GREB1L: variants seen among roughly 807,000 people sequenced by gnomAD.
The protein encoded by GREB1L is GREB1 like retinoic acid receptor coactivator.
GREB1L carries 17 observed loss-of-function variants against 200.8 expected under a neutral mutation model. The ratio of observed to expected loss-of-function variants is 0.08; its 90% CI spans 0.06 to 0.13. The LOEUF (loss-of-function observed/expected upper bound fraction) is 0.13. Ranked by LOEUF, GREB1L falls within the 10% of genes least tolerant of loss-of-function variation. The pLI is 1.00. For synonymous variants in GREB1L, 789 were observed against 893.0 expected, an observed-to-expected ratio of 0.88 and a Z score of 2.08; for missense variants, 1,657 against 2,367.7, an observed-to-expected ratio of 0.70 and a Z score of 6.23.
chr18:21,431,131 C>T (rs1035257267), intron 7 of GREB1L, among the ~76,000 whole-genome samples: 3 of 151,974 alleles, frequency 2.0e-5, no homozygotes, highest in Non-Finnish European at 4.4e-5. Flanking sequence ...AAGTGATTCT[C>T]CTGCCTCAGC....
In GREB1L at chr18:21,444,123, G is replaced by A. The variant is rs1304232263; in HGVS notation, c.1208-101G>A. 8 of 756,180 alleles carry A rather than the reference G, an allele frequency of 1.1e-5. No individual in the cohort carries two copies. The East Asian group carries it at 2.2e-4, about 21-fold the overall frequency. The allele number at this position is 756,180 out of a possible 1,614,324, so 46.8% of individuals were successfully genotyped here. ...TGTTTGGTAGCTATCTCAGAGGGCAGGGAATTTTGTTAAGCAGCTTTGATC... is the reference window on the plus strand; with the variant it reads ...TGTTTGGTAGCTATCTCAGAGGGCAAGGAATTTTGTTAAGCAGCTTTGATC... On this transcript the variant is annotated intron_variant, in intron 10 of 32. Coordinates refer to ENST00000424526, the MANE Select transcript of GREB1L (RefSeq NM_001142966.3).
intron 6 of GREB1L, 137 bp downstream of exon 6, chr18:21,401,463 C>T (rs1298763044): frequency 1.9e-5 from 13 of 676,588 alleles, no homozygotes; most frequent in Non-Finnish European, 2.8e-5. Context: ...AATTTAAAGC[C>T]TTCTGGTAGG....
intron 1 of GREB1L, among the ~76,000 whole-genome samples, chr18:21,306,992 A>G (rs1410767066): frequency 6.6e-6 from 1 of 152,138 alleles, no homozygotes; most frequent in Admixed American, 6.5e-5. Context: ...TCTACTTTCC[A>G]TTATTCCATT....
rs1234569289 is a variant in GREB1L, at chr18:21,526,019, T to TATTA, written c.*3204_*3207dup. ...TCCAAAGCAGCTGCCTTGAAAAGAC[T>TATTA]ATTAATTAACTGTGAAACTGACTGC... On this transcript the variant is annotated 3_prime_UTR_variant, in exon 33 of 33. Coordinates refer to ENST00000424526, the MANE Select transcript of GREB1L (RefSeq NM_001142966.3). Among the ~76,000 whole-genome samples the TATTA allele has an allele frequency of 1.3e-5, 2 of 151,394 alleles. No individual in the cohort carries two copies. Among genetic ancestry groups the TATTA allele is most frequent in the African/African-American group, 4.8e-5 (2 of 41,386 alleles).
intron 1 of GREB1L, among the ~76,000 whole-genome samples, chr18:21,288,746 T>A (rs1282647707): frequency 2.6e-5 from 4 of 152,182 alleles, no homozygotes; most frequent in Non-Finnish European, 4.4e-5. Flanking sequence ...TTTTTTTTTT[T>A]TTATTTTTGA....
intron 15 of GREB1L, among the ~76,000 whole-genome samples, chr18:21,463,134 C>CTTTTTTTTTTT (rs11355874): frequency 1.8e-5 from 1 of 55,640 alleles, no homozygotes; most frequent in Non-Finnish European, 3.0e-5. Context: ...CTTAATGGTT[C>CTTTTTTTTTTT]TTTTTTTTTT....
chr18:21,508,403 A>G lies in GREB1L; in HGVS notation c.4547A>G (p.Lys1516Arg), dbSNP rs1294283111. 1.5e-5 allele frequency: 23 copies of G among 1,551,562 alleles called. No individual in the cohort carries two copies. The highest frequency in any genetic ancestry group is 2.0e-5 in the Non-Finnish European group (23 of 1,146,998). The change falls in exon 27 of 33, where the codon AAG becomes AGG. Residue 1516 changes from lysine to arginine, a missense_variant. Lys to Arg is a conservative substitution (Grantham distance 26). Coordinates refer to ENST00000424526, the MANE Select transcript of GREB1L (RefSeq NM_001142966.3). ...LVSDKNLNAV[K>R]SPIFTPSSGR... is the part of the protein sequence containing the mutation. ...TTTCAGCAGAATTTGAATGCAGTCAAGAGCCCTATTTTCACTCCTTCCAGT... is the reference window on the plus strand; with the variant it reads ...TTTCAGCAGAATTTGAATGCAGTCAGGAGCCCTATTTTCACTCCTTCCAGT...
intron 15 of GREB1L, among the ~76,000 whole-genome samples, chr18:21,458,916 T>C (rs2034904148): frequency 6.6e-6 from 1 of 152,150 alleles, no homozygotes; most frequent in Non-Finnish European, 1.5e-5. Flanking sequence ...AATACTAGCA[T>C]ACTGGTGCAA....
intron 7 of GREB1L, among the ~76,000 whole-genome samples, chr18:21,435,864 G>T (rs1431028642): frequency 4.6e-5 from 7 of 152,122 alleles, no homozygotes; most frequent in Admixed American, 3.3e-4. Context: ...CATTTTGGCT[G>T]TAATGCGTAA....
chr18:21,475,605 C>G (rs1379877989), intron 16 of GREB1L, among the ~76,000 whole-genome samples: 4 of 152,040 alleles, frequency 2.6e-5, no homozygotes, highest in African/African-American at 7.2e-5. Flanking sequence ...ATCCACCCAC[C>G]TTGGACTCCC....
intron 1 of GREB1L, among the ~76,000 whole-genome samples, chr18:21,279,485 A>G (rs922097395): frequency 6.6e-6 from 1 of 152,202 alleles, no homozygotes; most frequent in African/African-American, 2.4e-5. Flanking sequence ...TTTTGGAAGT[A>G]AAGTATTCAG....
In GREB1L at chr18:21,451,157, T is replaced by A; in HGVS notation, c.1849+6T>A. The A allele has an allele frequency of 6.4e-7, 1 of 1,551,252 alleles. No individual in the cohort carries two copies. Among genetic ancestry groups the A allele is most frequent in the Non-Finnish European group, 8.7e-7 (1 of 1,146,708 alleles). ...TTTCAAAACCACATCATTAGGTGAG[T>A]GGTTGTAAGATTTGGCAACACTGGC... On this transcript the variant is annotated splice_donor_region_variant and intron_variant, in intron 13 of 32. Coordinates refer to ENST00000424526, the MANE Select transcript of GREB1L (RefSeq NM_001142966.3).
intron 1 of GREB1L, among the ~76,000 whole-genome samples, chr18:21,342,106 T>G (rs890740375): frequency 6.6e-6 from 1 of 152,188 alleles, no homozygotes; most frequent in Non-Finnish European, 1.5e-5. Context: ...TTTTTGCCTA[T>G]GTGCTTATAG....
Position 21,454,301 on chromosome 18 carries a change from A to C in GREB1L, c.1985-65A>C, listed in dbSNP as rs2034657340. 3 of 1,032,954 alleles carry C rather than the reference A, an allele frequency of 2.9e-6. No individual in the cohort carries two copies. The East Asian group carries it at 7.8e-5, about 27-fold the overall frequency. The allele number at this position is 1,032,954 out of a possible 1,614,324, so 64.0% of individuals were successfully genotyped here. A position where few individuals can be genotyped will look rare whatever the true frequency, so the allele number is the denominator to read the frequency against. On this transcript the variant is annotated intron_variant, in intron 14 of 32. Transcript: ENST00000424526. ...GTCTGTGTGGTATGTGTCCTCATAG[A>C]GATTCACAGTGGCCATTAGGGAAGT...
chr18:21,272,882 C>G (rs886683956), intron 1 of GREB1L, among the ~76,000 whole-genome samples: 2 of 152,178 alleles, frequency 1.3e-5, no homozygotes, highest in African/African-American at 4.8e-5. Context: ...AGAGAAAAAG[C>G]TAGTTTTAAA....
At chr18:21,471,807 G>T (rs1197236026) in intron 15 of GREB1L, among the ~76,000 whole-genome samples, 2 of 151,782 alleles carry the variant, frequency 1.3e-5, no homozygotes. Context: ...TTTTTATAGA[G>T]ATAAGGTCTC....
chr18:21,501,632 T>C (rs2036797909), intron 23 of GREB1L, among the ~76,000 whole-genome samples: 1 of 152,224 alleles, frequency 6.6e-6, no homozygotes, highest in South Asian at 2.1e-4. Context: ...GCCTAGATGG[T>C]TAACTATTGT....
At chr18:21,514,051 C>A in intron 28 of GREB1L, 65 bp downstream of exon 28, 2 of 1,397,844 alleles carry the variant, frequency 1.4e-6, no homozygotes, top group South Asian at 1.4e-5. Context: ...TTCTTGACTA[C>A]AGTTACATAC....
intron 4 of GREB1L, among the ~76,000 whole-genome samples, chr18:21,390,248 T>C (rs558629445): frequency 6.6e-6 from 1 of 152,232 alleles, no homozygotes; most frequent in African/African-American, 2.4e-5. Flanking sequence ...TATTACCTAG[T>C]TATTTTATTA....
Sources: allele counts gnomAD v4.1 joint callset (sites outside exome capture counted in the v4.1 genomes callset), GRCh38; gene constraint gnomAD v4.1.1; transcripts MANE v1.5; gene names NCBI Gene and HGNC (gene_info 2026-07-23, HGNC 2026-07-21).